The following RANBP17 variants were observed in gnomAD, a reference collection of about 807,000 sequenced individuals.
RANBP17 encodes RAN binding protein 17.
A neutral mutation model predicts 141.2 loss-of-function variants in RANBP17; 158 were observed. The ratio of observed to expected loss-of-function variants is 1.12; its 90% CI spans 0.98 to 1.28. RANBP17 has a LOEUF of 1.28. RANBP17 is among the 50% of genes most tolerant of loss of function. RANBP17 has a pLI of 0.00. For missense variants in RANBP17, 1,438 were observed against 1,290.7 expected, an observed-to-expected ratio of 1.11 and a Z score of -1.75; for synonymous variants, 430 against 450.0, an observed-to-expected ratio of 0.96 and a Z score of 0.56.
At chr5:171,012,924 C>T (rs10475556) in intron 14 of RANBP17, among the ~76,000 whole-genome samples, 92,975 of 151,892 alleles carry the variant, frequency 0.61, 29,809 homozygotes, top group South Asian at 0.88. Context: ...TTTCTCCTGT[C>T]GTGTTAAGAT....
At chr5:170,977,670 A>G (rs1300193905) in intron 14 of RANBP17, among the ~76,000 whole-genome samples, 2 of 152,140 alleles carry the variant, frequency 1.3e-5, no homozygotes, top group Non-Finnish European at 2.9e-5. Context: ...ATAAAAAGGA[A>G]TGAAGTACTG....
intron 14 of RANBP17, among the ~76,000 whole-genome samples, chr5:171,109,541 G>C (rs968040614): frequency 1.3e-5 from 2 of 152,084 alleles, no homozygotes; most frequent in African/African-American, 4.8e-5. Flanking sequence ...CAAAATCCAT[G>C]GATGCTTTGG....
chr5:171,240,481 C>G (rs1764795343), intron 22 of RANBP17, among the ~76,000 whole-genome samples: 1 of 152,104 alleles, frequency 6.6e-6, no homozygotes, highest in African/African-American at 2.4e-5. Context: ...AACTCAAGAT[C>G]AAATTCATAT....
intron 14 of RANBP17, among the ~76,000 whole-genome samples, chr5:171,002,907 G>T (rs1779318258): frequency 6.6e-6 from 1 of 152,096 alleles, no homozygotes; most frequent in Non-Finnish European, 1.5e-5. Flanking sequence ...TTGAAGTCTG[G>T]GTCAGGAACA....
At chr5:170,886,445 C>G (rs917099491) in intron 3 of RANBP17, among the ~76,000 whole-genome samples, 11 of 151,950 alleles carry the variant, frequency 7.2e-5, no homozygotes, top group Non-Finnish European at 1.5e-4. Context: ...TAAGGGCAGT[C>G]CTGATCATAA....
chr5:170,986,546 A>G (rs1261745071), intron 14 of RANBP17, among the ~76,000 whole-genome samples: 1 of 151,814 alleles, frequency 6.6e-6, no homozygotes, highest in African/African-American at 2.4e-5. Context: ...CAAAACATCA[A>G]ATGAACCCCA....
chr5:170,950,031 A>C (rs1775081743), intron 12 of RANBP17, among the ~76,000 whole-genome samples: 1 of 152,142 alleles, frequency 6.6e-6, no homozygotes, highest in East Asian at 1.9e-4. Context: ...TGCTGGGAAA[A>C]TTGTATATCC....
At chr5:171,256,884 A>G (rs902367229) in intron 24 of RANBP17, among the ~76,000 whole-genome samples, 8 of 152,306 alleles carry the variant, frequency 5.3e-5, no homozygotes, top group South Asian at 4.1e-4. Context: ...GAACAGACCA[A>G]TAACAACTAG....
At chr5:171,066,856 C>T (rs1784342572) in intron 14 of RANBP17, among the ~76,000 whole-genome samples, 1 of 152,182 alleles carries the variant, frequency 6.6e-6, no homozygotes, top group Admixed American at 6.5e-5. Context: ...GTGTCCATCA[C>T]TAGTAGACCT....
At chr5:171,178,177 C>T (rs548419473) in intron 16 of RANBP17, among the ~76,000 whole-genome samples, 4 of 140,844 alleles carry the variant, frequency 2.8e-5, no homozygotes, top group African/African-American at 1.1e-4. Flanking sequence ...CCTACCCCCC[C>T]ACCCCCCGAC....
intron 1 of RANBP17, 37 bp downstream of exon 1, chr5:170,862,088 A>T: frequency 6.9e-7 from 1 of 1,439,118 alleles, no homozygotes; most frequent in East Asian, 3.1e-5. Flanking sequence ...GCGCTCCGCC[A>T]CGCTGGGAAC....
chr5:170,862,193 G>A (rs1013269462), intron 1 of RANBP17, 142 bp downstream of exon 1: 178 of 873,348 alleles, frequency 2.0e-4, no homozygotes, highest in Non-Finnish European at 2.7e-4. Context: ...CCCTGCCTCT[G>A]CCCCTAGCCG....
At chr5:171,130,663 C>T (rs934971151) in intron 14 of RANBP17, among the ~76,000 whole-genome samples, 4 of 151,842 alleles carry the variant, frequency 2.6e-5, no homozygotes, top group Middle Eastern at 3.4e-3. Flanking sequence ...CTCAAAATCC[C>T]GACCTCAGGT....
At chr5:171,242,043 T>C (rs1764913023) in intron 23 of RANBP17, among the ~76,000 whole-genome samples, 1 of 151,906 alleles carries the variant, frequency 6.6e-6, no homozygotes, top group South Asian at 2.1e-4. Context: ...AGCCTGTTCT[T>C]AGACTCCTGG....
chr5:170,962,410 C>G (rs1283228466), intron 13 of RANBP17, among the ~76,000 whole-genome samples: 2 of 151,994 alleles, frequency 1.3e-5, no homozygotes, highest in African/African-American at 4.8e-5. Flanking sequence ...GGAATGTGTG[C>G]TATAAAAAGG....
intron 24 of RANBP17, 130 bp from the exon 25 acceptor site, chr5:171,265,551 T>G (rs1766614059): frequency 1.2e-6 from 1 of 853,238 alleles, no homozygotes; most frequent in African/African-American, 1.7e-5. Flanking sequence ...ATTCCTGCCC[T>G]CAAAGAACTT....
At chr5:170,960,812 C>A (rs1561933564) in intron 13 of RANBP17, among the ~76,000 whole-genome samples, 1 of 152,218 alleles carries the variant, frequency 6.6e-6, no homozygotes, top group Admixed American at 6.5e-5. Flanking sequence ...TCCTGCCTGT[C>A]CCATTAGCCT....
intron 3 of RANBP17, among the ~76,000 whole-genome samples, chr5:170,890,152 G>A (rs1240910907): frequency 6.6e-6 from 1 of 152,038 alleles, no homozygotes; most frequent in African/African-American, 2.4e-5. Flanking sequence ...CCTCCTAGTG[G>A]TCACTACTAC....
chr5:171,091,944 G>A (rs150356375), intron 14 of RANBP17, among the ~76,000 whole-genome samples: 1 of 152,152 alleles, frequency 6.6e-6, no homozygotes, highest in Admixed American at 6.6e-5. Flanking sequence ...TTTCATATAT[G>A]CAGGTTCCAC....
Sources: allele counts gnomAD v4.1 joint callset (sites outside exome capture counted in the v4.1 genomes callset), GRCh38; gene constraint gnomAD v4.1.1; transcripts MANE v1.5; gene names NCBI Gene and HGNC (gene_info 2026-07-23, HGNC 2026-07-21).